CTNNA2: variants seen among roughly 807,000 people sequenced by gnomAD.
CTNNA2 encodes catenin alpha-2.
A neutral mutation model predicts 101.0 loss-of-function variants in CTNNA2; 42 were observed. That is an observed-to-expected ratio of 0.42 (90% CI 0.32 to 0.54). The LOEUF is 0.54. Ranked by LOEUF, CTNNA2 falls within the 20% of genes least tolerant of loss-of-function variation. The pLI is 0.14. For synonymous variants in CTNNA2, 450 were observed against 456.4 expected, an observed-to-expected ratio of 0.99 and a Z score of 0.18; for missense variants, 871 against 1,223.1, an observed-to-expected ratio of 0.71 and a Z score of 4.29.
intron 7 of CTNNA2, among the ~76,000 whole-genome samples, chr2:80,355,105 A>G (rs534173354): frequency 6.6e-6 from 1 of 152,180 alleles, no homozygotes; most frequent in Non-Finnish European, 1.5e-5. Flanking sequence ...GTCAGGGGCC[A>G]TTTGGCAATG....
chr2:80,368,847 A>ATGTGTGTG (rs538992921), intron 7 of CTNNA2, among the ~76,000 whole-genome samples: 6 of 134,642 alleles, frequency 4.5e-5, no homozygotes, highest in Admixed American at 7.5e-5. Context: ...GTGTGTATAT[A>ATGTGTGTG]TGTGTGTGTG....
intron 4 of CTNNA2, among the ~76,000 whole-genome samples, chr2:79,387,926 T>A (rs368773013): frequency 1.3e-5 from 2 of 152,130 alleles, no homozygotes; most frequent in African/African-American, 2.4e-5. Context: ...GGAACTAATA[T>A]AACCAGAGAG....
intron 7 of CTNNA2, among the ~76,000 whole-genome samples, chr2:80,258,473 C>T (rs911854413): frequency 2.6e-5 from 4 of 152,078 alleles, no homozygotes; most frequent in East Asian, 3.9e-4. Flanking sequence ...TTATTTATGT[C>T]GCACACTGTG....
intron 9 of CTNNA2, among the ~76,000 whole-genome samples, chr2:80,451,174 C>T (rs568976581): frequency 4.2e-4 from 64 of 152,176 alleles, no homozygotes; most frequent in Non-Finnish European, 6.0e-4. Flanking sequence ...GCTGTGTCCC[C>T]ACCCAAATCT....
chr2:79,742,151 C>T (rs940535991), intron 2 of CTNNA2, among the ~76,000 whole-genome samples: 1 of 152,164 alleles, frequency 6.6e-6, no homozygotes, highest in Admixed American at 6.6e-5. Context: ...TTATTTGCAT[C>T]ACCAAAACTG....
chr2:80,053,339 C>T (rs7558349), intron 7 of CTNNA2, among the ~76,000 whole-genome samples: 2 of 152,134 alleles, frequency 1.3e-5, no homozygotes, highest in Non-Finnish European at 2.9e-5. Flanking sequence ...ATGAAAATGC[C>T]GGTAAATAAT....
intron 1 of CTNNA2, among the ~76,000 whole-genome samples, chr2:79,578,488 A>C (rs999099482): frequency 6.6e-6 from 1 of 152,196 alleles, no homozygotes; most frequent in Non-Finnish European, 1.5e-5. Flanking sequence ...AAACTATTCT[A>C]TATTCTCCTC....
chr2:80,317,480 C>T (rs1427198770), intron 7 of CTNNA2, among the ~76,000 whole-genome samples: 2 of 152,154 alleles, frequency 1.3e-5, no homozygotes, highest in African/African-American at 2.4e-5. Context: ...GCATTCCCTA[C>T]ACCCTTTTAT....
intron 7 of CTNNA2, among the ~76,000 whole-genome samples, chr2:79,920,261 A>T (rs574707145): frequency 6.6e-6 from 1 of 152,300 alleles, no homozygotes; most frequent in African/African-American, 2.4e-5. Context: ...TAAACTTTGC[A>T]TAGATGGCTG....
At chr2:79,568,858 C>CAAAAAAAAA (rs540965419) in intron 1 of CTNNA2, among the ~76,000 whole-genome samples, 1 of 68,982 alleles carries the variant, frequency 1.4e-5, no homozygotes, top group African/African-American at 6.8e-5. Flanking sequence ...TCTGTTTCTA[C>CAAAAAAAAA]AAAAAAAAAA....
At chr2:80,319,315 T>A (rs1030361675) in intron 7 of CTNNA2, among the ~76,000 whole-genome samples, 4 of 152,052 alleles carry the variant, frequency 2.6e-5, no homozygotes, top group African/African-American at 9.7e-5. Flanking sequence ...CAGTTTTTTT[T>A]TGTTGTTGTT....
chr2:79,851,038 A>G (rs1049569151), intron 3 of CTNNA2, among the ~76,000 whole-genome samples: 5 of 152,234 alleles, frequency 3.3e-5, no homozygotes, highest in East Asian at 1.9e-4. Flanking sequence ...GCCCTCAGCC[A>G]CATCAACACC....
intron 7 of CTNNA2, among the ~76,000 whole-genome samples, chr2:79,982,426 T>C (rs1009685419): frequency 4.8e-5 from 7 of 146,864 alleles, no homozygotes; most frequent in African/African-American, 1.8e-4. Flanking sequence ...ATATAACACA[T>C]ATATAACATA....
chr2:80,372,783 A>G (rs1374792410), intron 7 of CTNNA2, among the ~76,000 whole-genome samples: 2 of 151,452 alleles, frequency 1.3e-5, no homozygotes, highest in African/African-American at 4.9e-5. Context: ...TTTAAAAATT[A>G]TGTCTCATTT....
chr2:79,981,296 AT>A (rs1163092914), intron 7 of CTNNA2, among the ~76,000 whole-genome samples: 1 of 152,092 alleles, frequency 6.6e-6, no homozygotes. Flanking sequence ...CCATAGCTAC[AT>A]TTTTTTAGGA....
At chr2:79,802,153 A>G (rs1376697293) in intron 3 of CTNNA2, among the ~76,000 whole-genome samples, 1 of 152,162 alleles carries the variant, frequency 6.6e-6, no homozygotes, top group African/African-American at 2.4e-5. Context: ...GATTGGTGCC[A>G]CCAGCAAAGA....
chr2:80,378,039 TG>T (rs1164686002), intron 7 of CTNNA2, among the ~76,000 whole-genome samples: 1 of 152,068 alleles, frequency 6.6e-6, no homozygotes, highest in Admixed American at 6.6e-5. Flanking sequence ...CTCTATCTAC[TG>T]GGAGAGTACC....
chr2:79,814,963 C>G (rs1054908693), intron 3 of CTNNA2, among the ~76,000 whole-genome samples: 1 of 152,032 alleles, frequency 6.6e-6, no homozygotes. Context: ...TTGATTATGG[C>G]CATTCTGGTG....
At chr2:79,934,234 G>C (rs1687636552) in intron 7 of CTNNA2, among the ~76,000 whole-genome samples, 1 of 152,174 alleles carries the variant, frequency 6.6e-6, no homozygotes, top group African/African-American at 2.4e-5. Context: ...TTTGAATTAA[G>C]AAGATGAAAA....
Sources: allele counts gnomAD v4.1 joint callset (sites outside exome capture counted in the v4.1 genomes callset), GRCh38; gene constraint gnomAD v4.1.1; transcripts MANE v1.5; gene names NCBI Gene and HGNC (gene_info 2026-07-23, HGNC 2026-07-21).